The following CETN3 variants were observed in gnomAD, a reference collection of about 807,000 sequenced individuals.
CETN3 encodes the protein centrin 3, also known as centrin-3.
In CETN3, 17 loss-of-function variants were observed where a neutral mutation model predicts 20.1. That is an observed-to-expected ratio of 0.85 (90% CI 0.58 to 1.27). The LOEUF (loss-of-function observed/expected upper bound fraction) is 1.27, where lower values mean the gene tolerates loss of function less well. Ranked by LOEUF, CETN3 falls within the 50% of genes most tolerant of loss-of-function variation. The probability of loss-of-function intolerance (pLI) is 0.00; values close to 1 mark genes in which losing one functional copy is unlikely to be tolerated. For missense variants in CETN3, 169 were observed against 191.2 expected, an observed-to-expected ratio of 0.88 and a Z score of 0.69; for synonymous variants, 52 against 59.7, an observed-to-expected ratio of 0.87 and a Z score of 0.59.
intron 3 of CETN3, among the ~76,000 whole-genome samples, chr5:90,401,098 T>C (rs568470219): frequency 5.9e-5 from 9 of 152,128 alleles, no homozygotes; most frequent in African/African-American, 2.2e-4. Flanking sequence ...AACAGGGTGA[T>C]TGGGGAACAG....
chr5:90,405,650 C>T (rs760501771), intron 3 of CETN3, 35 bp downstream of exon 3: 2 of 1,319,148 alleles, frequency 1.5e-6, no homozygotes, highest in Admixed American at 3.4e-5. Context: ...AATTTCCTAA[C>T]AGCTGCTGAT....
intron 3 of CETN3, among the ~76,000 whole-genome samples, chr5:90,399,930 T>C (rs2151882579): frequency 6.6e-6 from 1 of 152,308 alleles, no homozygotes; most frequent in East Asian, 1.9e-4. Context: ...TGGAGAGACA[T>C]ACCAACAAAA....
chr5:90,396,003 G>A, intron 4 of CETN3: 1 of 888,030 alleles, frequency 1.1e-6, no homozygotes, highest in Non-Finnish European at 1.3e-6. Context: ...TTAAAACAAA[G>A]ACCAAATCAG....
rs1749076703 is a variant in CETN3 at position 90,393,937 on chromosome 5, A to G, written c.*127T>C. 7 of 678,974 alleles carry G rather than the reference A, an allele frequency of 1.0e-5. No individual in the cohort carries two copies. Among genetic ancestry groups the G allele is most frequent in the South Asian group, 1.0e-4 (6 of 58,810 alleles). 42.1% of individuals were successfully genotyped at this position (678,974 alleles called of 1,614,324 possible). On this transcript the variant is annotated 3_prime_UTR_variant, in exon 5 of 5. Coordinates refer to ENST00000283122, the MANE Select transcript of CETN3 (RefSeq NM_004365.4). ...CTTAACAGTAGTAAAATACAGATATATAAGATGCTTATTTTTGGTCCTTTA... is the reference window on the plus strand; with the variant it reads ...CTTAACAGTAGTAAAATACAGATATGTAAGATGCTTATTTTTGGTCCTTTA...
intron 2 of CETN3, among the ~76,000 whole-genome samples, chr5:90,406,647 GTTTATGAGCAATGAACAA>G (rs1266478413): frequency 3.3e-5 from 5 of 151,312 alleles, no homozygotes; most frequent in Admixed American, 2.0e-4. Context: ...AGGAGTTATG[GTTTATGAGCAATGAACAA>G]TTTATGAGCA....
chr5:90,404,974 C>G (rs888748855), intron 3 of CETN3, among the ~76,000 whole-genome samples: 2 of 152,046 alleles, frequency 1.3e-5, no homozygotes, highest in Non-Finnish European at 2.9e-5. Flanking sequence ...CCGGACTCTT[C>G]TATTTTGAAA....
chr5:90,407,833 T>C lies in CETN3; in HGVS notation c.19A>G (p.Ser7Gly). MSLALR[S>G]ELVVDKTKRK... ...TTTGTTTTGTCCACTACAAGCTCAC[T>C]TCTATGAAATGGAAAGAAAAAGCCC... Residue 7 changes from serine (S) to glycine (G), a missense_variant and splice_region_variant, in exon 2 of 5, where the codon AGT becomes GGT. By Grantham distance (56) the Ser-to-Gly change is moderately conservative (BLOSUM62 0). Transcript: ENST00000283122. The C allele has an allele frequency of 6.4e-7, 1 of 1,569,656 alleles. No homozygotes were observed. The highest frequency in any genetic ancestry group is 2.3e-5 in the East Asian group (1 of 43,474).
chr5:90,407,665 A>T (rs369517971), intron 2 of CETN3, 34 bp downstream of exon 2: 88 of 1,340,796 alleles, frequency 6.6e-5, no homozygotes, highest in Non-Finnish European at 8.5e-5. Flanking sequence ...AATCATTTTA[A>T]CACAGAAACA....
intron 1 of CETN3, among the ~76,000 whole-genome samples, chr5:90,409,388 G>C (rs564175320): frequency 2.6e-5 from 4 of 152,160 alleles, no homozygotes; most frequent in Admixed American, 6.5e-5. Context: ...TCGCAACTAA[G>C]CCCAACCTTC....
At position 90,392,997 on chromosome 5, in the gene CETN3, G is replaced by A. The variant is rs1749053321; in HGVS notation, c.*1067C>T. On this transcript the variant is annotated 3_prime_UTR_variant, in exon 5 of 5. Transcript: ENST00000283122. ...ATTCTAAAGAAAGATTGCTGAAATA[G>A]ACAACTCAATTCCGTTCCTGGGAGA... is the stretch of plus-strand genomic sequence containing the variant. 1 of 152,114 alleles carries A rather than the reference G, an allele frequency of 6.6e-6. No individual in the cohort carries two copies. Among genetic ancestry groups the A allele is most frequent in the Admixed American group, 6.5e-5 (1 of 15,270 alleles). 9.4% of individuals were successfully genotyped at this position (152,114 alleles called of 1,614,324 possible).
At chr5:90,394,173 T>G in intron 4 of CETN3, 66 bp from the exon 5 acceptor site, 7 of 1,054,348 alleles carry the variant, frequency 6.6e-6, no homozygotes, top group Non-Finnish European at 9.9e-6. Flanking sequence ...AATCCACGAC[T>G]ACCATTTTAC....
intron 4 of CETN3, chr5:90,396,686 C>A: frequency 1.5e-6 from 1 of 648,402 alleles, no homozygotes; most frequent in Non-Finnish European, 2.3e-6. Context: ...ACTTAAAGAT[C>A]TAGAACTTTT....
chr5:90,404,707 C>T (rs1369586867), intron 3 of CETN3, among the ~76,000 whole-genome samples: 3 of 151,968 alleles, frequency 2.0e-5, no homozygotes, highest in Admixed American at 6.6e-5. Context: ...TCTAAATTTT[C>T]TCTGCGTCTA....
intron 4 of CETN3, chr5:90,396,362 A>C: frequency 7.4e-7 from 1 of 1,357,336 alleles, no homozygotes; most frequent in South Asian, 2.0e-5. Flanking sequence ...TTACAAATTG[A>C]TGTAGTGATC....
At chr5:90,409,440 T>C (rs768606745) in intron 1 of CETN3, among the ~76,000 whole-genome samples, 31 of 152,132 alleles carry the variant, frequency 2.0e-4, no homozygotes, top group Non-Finnish European at 4.0e-4. Flanking sequence ...ATAACCTCCT[T>C]AGCAGAAATG....
rs1226111910 is a variant in CETN3 at position 90,405,682 on chromosome 5, C to T, written c.268+3G>A. 1.3e-6 allele frequency: 2 copies of T among 1,555,588 alleles called. No individual in the cohort carries two copies. Among genetic ancestry groups the T allele is most frequent in the South Asian group, 1.1e-5 (1 of 89,704 alleles). ...TGATTACAAAGACTATTAAAATACA[C>T]ACCAACTTCATTAAAATCTTCAAAG... On this transcript the variant is annotated splice_donor_region_variant and intron_variant, in intron 3 of 4. Coordinates refer to ENST00000283122, the MANE Select transcript of CETN3 (RefSeq NM_004365.4).
intron 3 of CETN3, among the ~76,000 whole-genome samples, chr5:90,401,377 A>G (rs1749285333): frequency 6.6e-6 from 1 of 152,228 alleles, no homozygotes; most frequent in African/African-American, 2.4e-5. Context: ...CAATGAAAAT[A>G]TTAGTAAACT....
Position 90,393,981 on chromosome 5 carries a change from G to A in CETN3, c.*83C>T. 2 of 904,242 alleles carry A rather than the reference G, an allele frequency of 2.2e-6. No individual in the cohort carries two copies. Among genetic ancestry groups the A allele is most frequent in the Non-Finnish European group, 3.5e-6 (2 of 564,908 alleles). The allele number at this position is 904,242 out of a possible 1,614,324, so 56.0% of individuals were successfully genotyped here. A position where few individuals can be genotyped will look rare whatever the true frequency, so the allele number is the denominator to read the frequency against. On this transcript the variant is annotated 3_prime_UTR_variant, in exon 5 of 5. Coordinates refer to ENST00000283122, the MANE Select transcript of CETN3 (RefSeq NM_004365.4). ...TCCTTTAGGATAAAAGAACTAAGTT[G>A]GTTTTTTTCACATGGCTCCAGGCAC... is the stretch of plus-strand genomic sequence containing the variant.
At chr5:90,405,968 G>C (rs569909887) in intron 2 of CETN3, among the ~76,000 whole-genome samples, 169 bp from the exon 3 acceptor site, 4 of 152,208 alleles carry the variant, frequency 2.6e-5, no homozygotes, top group Admixed American at 2.6e-4. Flanking sequence ...CTTCACTACT[G>C]AAATTAAGTA....
Sources: gnomAD v4.1 joint callset for allele counts (sites outside exome capture counted in the v4.1 genomes callset) on GRCh38, gnomAD v4.1.1 for gene constraint, MANE v1.5 for transcripts, NCBI Gene and HGNC (gene_info 2026-07-23, HGNC 2026-07-21) for gene names.